The following SPTAN1 variants were observed in gnomAD, a reference collection of about 807,000 sequenced individuals.
SPTAN1 encodes the protein spectrin alpha, non-erythrocytic 1, also known as spectrin alpha chain, non-erythrocytic 1.
SPTAN1 carries 61 observed loss-of-function variants against 331.3 expected under a neutral mutation model. That is an observed-to-expected ratio of 0.18 (90% confidence interval 0.15 to 0.23). SPTAN1 has a LOEUF of 0.23. Among genes scored for constraint, SPTAN1 ranks in the 10% least tolerant of loss-of-function variants. The pLI is 1.00. For missense variants in SPTAN1, 2,043 were observed against 3,147.9 expected (o/e 0.65, Z 8.40); for synonymous variants, 1,153 against 1,173.9 (o/e 0.98, Z 0.36).
At chr9:128,586,329 C>T (rs985341632) in intron 19 of SPTAN1, among the ~76,000 whole-genome samples, 44 of 151,736 alleles carry the variant, frequency 2.9e-4, no homozygotes, top group African/African-American at 9.9e-4. Context: ...GACAGGGTCT[C>T]GCTATGTTGT....
At position 128,574,008 on chromosome 9, in the gene SPTAN1, C is replaced by G. The variant is rs555942992; in HGVS notation, c.364-667C>G. Among the ~76,000 whole-genome samples, 13 of 152,332 alleles carry G rather than the reference C, an allele frequency of 8.5e-5. No individual in the cohort carries two copies. The South Asian group carries it at 2.1e-3, about 24-fold the overall frequency. The stretch of plus-strand genomic sequence containing the variant: ...GACCTCGTGCTCTGCCCGCCTCGGC[C>G]TCCCAAAGTGCTGGAATTACAGGCA... On this transcript the variant is annotated intron_variant, in intron 3 of 56. Coordinates refer to ENST00000372739, the MANE Select transcript of SPTAN1 (RefSeq NM_001130438.3).
chr9:128,590,870 T>G (rs1166359535), intron 21 of SPTAN1, among the ~76,000 whole-genome samples: 1 of 151,628 alleles, frequency 6.6e-6, no homozygotes, highest in Admixed American at 6.6e-5. Flanking sequence ...GAGTTCTAAC[T>G]CAATGAAAGT....
In SPTAN1 at chr9:128,582,922, G is replaced by C. The variant is rs899143689; in HGVS notation, c.1806+73G>C. 3 of 1,602,970 alleles carry C rather than the reference G, an allele frequency of 1.9e-6. No individual in the cohort carries two copies. The African/African-American group carries it at 4.0e-5, about 21-fold the overall frequency. On this transcript the variant is annotated intron_variant, in intron 14 of 56. Coordinates refer to ENST00000372739, the MANE Select transcript of SPTAN1 (RefSeq NM_001130438.3). ...ACACAGCTCTCACAAATAAATTGTAGCTAAAGGACGAAATAAGGGATTCCA... is the reference window on the plus strand; with the variant it reads ...ACACAGCTCTCACAAATAAATTGTACCTAAAGGACGAAATAAGGGATTCCA...
chr9:128,625,412 T>G lies in SPTAN1; in HGVS notation c.6069+233T>G, dbSNP rs1265592325. ...ACGGGACTGGGCACTGCAGGAGCAC[T>G]CACTCAGTTTTCAGCAGGCGAGGGT... is the stretch of plus-strand genomic sequence containing the variant. On this transcript the variant is annotated intron_variant, in intron 47 of 56. Coordinates refer to ENST00000372739, the MANE Select transcript of SPTAN1 (RefSeq NM_001130438.3). The surrounding 1 kb of genome is among the most constrained non-coding windows in gnomAD (Gnocchi z 4.1). Among the ~76,000 whole-genome samples the G allele has an allele frequency of 6.6e-6, 1 of 152,146 alleles. No individual in the cohort carries two copies. Among genetic ancestry groups the G allele is most frequent in the Non-Finnish European group, 1.5e-5 (1 of 68,034 alleles).
Position 128,584,863 on chromosome 9 carries a change from G to A in SPTAN1, c.2560+20G>A, listed in dbSNP as rs1852377402. 2.5e-6 allele frequency: 4 copies of A among 1,614,058 alleles called. No individual in the cohort carries two copies. The Admixed American group carries it at 6.7e-5, about 27-fold the overall frequency. On this transcript the variant is annotated intron_variant, in intron 18 of 56. Transcript: ENST00000372739. ...AGGAAGGTGAGTGATTGGTATCAGTGACATGGCTTGGTGCTGCTCCTCGTG... is the reference window on the plus strand; with the variant it reads ...AGGAAGGTGAGTGATTGGTATCAGTAACATGGCTTGGTGCTGCTCCTCGTG...
At chr9:128,606,231 G>T (rs1191486323) in intron 31 of SPTAN1, among the ~76,000 whole-genome samples, 4 of 150,016 alleles carry the variant, frequency 2.7e-5, no homozygotes, top group African/African-American at 9.8e-5. Context: ...AGCCGGGCGT[G>T]GTGGCACACT....
chr9:128,616,699 G>A (rs943358999), intron 41 of SPTAN1, among the ~76,000 whole-genome samples: 31 of 151,910 alleles, frequency 2.0e-4, no homozygotes, highest in African/African-American at 7.2e-4. Context: ...CCAGGGAGGC[G>A]GAGGTTGCAA....
chr9:128,582,467 C>T lies in SPTAN1; in HGVS notation c.1573-12C>T, dbSNP rs1444583559. ...GTGCTTACCAATGAAGAACTCTTATCTTCCTTCCTAGGCATTAGATGAATT... is the reference window on the plus strand; with the variant it reads ...GTGCTTACCAATGAAGAACTCTTATTTTCCTTCCTAGGCATTAGATGAATT... On this transcript the variant is annotated splice_polypyrimidine_tract_variant and intron_variant, in intron 12 of 56. Coordinates refer to ENST00000372739, the MANE Select transcript of SPTAN1 (RefSeq NM_001130438.3). 6.2e-7 allele frequency: 1 copy of T among 1,613,874 alleles called. No individual in the cohort carries two copies. Among genetic ancestry groups the T allele is most frequent in the Non-Finnish European group, 8.5e-7 (1 of 1,179,790 alleles).
chr9:128,569,954 A>G (rs549855620), intron 3 of SPTAN1, among the ~76,000 whole-genome samples: 4 of 152,316 alleles, frequency 2.6e-5, no homozygotes, highest in Admixed American at 6.5e-5. Flanking sequence ...ATGATTGTAA[A>G]TAGGAAATAA....
At chr9:128,561,797 A>G (rs1007349581) in intron 1 of SPTAN1, among the ~76,000 whole-genome samples, 14 of 151,674 alleles carry the variant, frequency 9.2e-5, no homozygotes, top group Non-Finnish European at 1.6e-4. Context: ...CAACTTGCTT[A>G]CTAAATTACC....
chr9:128,592,858 A>G lies in SPTAN1; in HGVS notation c.3156-125A>G, dbSNP rs1468990087. 4.5e-6 allele frequency: 4 copies of G among 884,322 alleles called. No homozygotes were observed. The East Asian group carries it at 1.1e-4, about 23-fold the overall frequency. 54.8% of individuals were successfully genotyped at this position (884,322 alleles called of 1,614,324 possible). A position where few individuals can be genotyped will look rare whatever the true frequency, so the allele number is the denominator to read the frequency against. Reference sequence around the variant, plus strand: ...TTAGACTGCTCCTTAGACCTGTTGAATAACTCCATAGTTTCCCAACATTAA... The same window carrying G: ...TTAGACTGCTCCTTAGACCTGTTGAGTAACTCCATAGTTTCCCAACATTAA... On this transcript the variant is annotated intron_variant, in intron 22 of 56. Transcript: ENST00000372739.
chr9:128,581,940 CAG>C (rs1324518451), intron 12 of SPTAN1, 48 bp downstream of exon 12: 2 of 1,360,284 alleles, frequency 1.5e-6, no homozygotes, highest in Non-Finnish European at 1.1e-6. Context: ...TATAGTAAGC[CAG>C]AGTCTTTTTC....
chr9:128,586,564 C>T (rs1171968495), intron 19 of SPTAN1, among the ~76,000 whole-genome samples: 1 of 152,120 alleles, frequency 6.6e-6, no homozygotes, highest in African/African-American at 2.4e-5. Context: ...TGCTTACATA[C>T]ATACTAACAT....
chr9:128,632,926 C>G lies in SPTAN1; in HGVS notation c.7279C>G (p.Pro2427Ala). 1 of 1,613,272 alleles carries G rather than the reference C, an allele frequency of 6.2e-7. No individual in the cohort carries two copies. Among genetic ancestry groups the G allele is most frequent in the Non-Finnish European group, 8.5e-7 (1 of 1,180,030 alleles). ...CCGGGCCCTCAGCTCAGAGGGAAAG[C>G]CTTACGTGACCAAGGAGGAGCTCTA... is the stretch of plus-strand genomic sequence containing the variant. ...AFRALSSEGK[P>A]YVTKEELYQN... Residue 2427 changes from proline (P) to alanine (A), a missense_variant, in exon 56 of 57, where the codon CCT becomes GCT. Transcript: ENST00000372739.
At chr9:128,590,539 A>G (rs1360598139) in intron 21 of SPTAN1, among the ~76,000 whole-genome samples, 1 of 107,308 alleles carries the variant, frequency 9.3e-6, no homozygotes, top group East Asian at 2.6e-4. Context: ...CCTCATCTCT[A>G]TTTATATTAA....
intron 51 of SPTAN1, 165 bp from the exon 52 acceptor site, chr9:128,630,156 C>T (rs747791505): frequency 3.6e-5 from 29 of 806,228 alleles, no homozygotes; most frequent in Middle Eastern, 2.2e-4. Context: ...TGCCATCCCT[C>T]GATCCCTGGG....
At chr9:128,586,384 A>G (rs1852643068) in intron 19 of SPTAN1, among the ~76,000 whole-genome samples, 1 of 151,836 alleles carries the variant, frequency 6.6e-6, no homozygotes, top group South Asian at 2.1e-4. Flanking sequence ...CCTCCTGCCA[A>G]AGCCTCCCAA....
chr9:128,571,044 G>A (rs112626911), intron 3 of SPTAN1, among the ~76,000 whole-genome samples: 4,429 of 152,292 alleles, frequency 0.029, 193 homozygotes, highest in African/African-American at 0.1. Context: ...AACTTTGGGA[G>A]GCCAAGGCTG....
intron 1 of SPTAN1, among the ~76,000 whole-genome samples, chr9:128,556,626 T>G (rs908911229): frequency 3.9e-5 from 6 of 152,244 alleles, no homozygotes; most frequent in Non-Finnish European, 8.8e-5. Context: ...AGTATGAATC[T>G]TTTGCTTTCT....
Sources: allele counts gnomAD v4.1 joint callset (sites outside exome capture counted in the v4.1 genomes callset), GRCh38; gene constraint gnomAD v4.1.1; non-coding constraint Gnocchi (gnomAD v3.1); transcripts MANE v1.5; gene names NCBI Gene and HGNC (gene_info 2026-07-23, HGNC 2026-07-21).